The following SPOCK3 variants were observed in gnomAD, a reference collection of about 807,000 sequenced individuals.
SPOCK3 encodes SPARC (osteonectin), cwcv and kazal like domains proteoglycan 3, also known as testican-3.
SPOCK3 carries 30 observed loss-of-function variants against 56.6 expected under a neutral mutation model. That is an observed-to-expected ratio of 0.53 (90% CI 0.40 to 0.72). The LOEUF (loss-of-function observed/expected upper bound fraction) is 0.72, where lower values mean the gene tolerates loss of function less well. Among genes scored for constraint, SPOCK3 ranks in the 30% least tolerant of loss-of-function variants. The probability of loss-of-function intolerance (pLI) is 0.00; values close to 1 mark genes in which losing one functional copy is unlikely to be tolerated. For synonymous variants in SPOCK3, 196 were observed against 183.3 expected, an observed-to-expected ratio of 1.07 and a Z score of -0.56; for missense variants, 527 against 530.0, an observed-to-expected ratio of 0.99 and a Z score of 0.06.
At chr4:166,736,383 T>G (rs1233266986) in intron 10 of SPOCK3, among the ~76,000 whole-genome samples, 1 of 152,140 alleles carries the variant, frequency 6.6e-6, no homozygotes, top group Non-Finnish European at 1.5e-5. Context: ...ATTACAAAGA[T>G]GTGTTCCCTA....
In SPOCK3 at chr4:167,060,027, G is replaced by C. The variant is rs539483577; in HGVS notation, c.235+2465C>G. On this transcript the variant is annotated intron_variant, in intron 3 of 10. Coordinates refer to ENST00000357545, the MANE Select transcript of SPOCK3 (RefSeq NM_001040159.2). ...GGGGTGGGGGGAGTGGGGAGGGATA[G>C]CTTTAGGAGATATACCTAATGCTAA... 1.5e-4 allele frequency among the ~76,000 whole-genome samples: 22 copies of C among 151,446 alleles called. No individual in the cohort carries two copies. In the South Asian group the frequency reaches 4.2e-3, roughly 29 times the overall value.
chr4:166,940,111 G>A (rs1411761478), intron 4 of SPOCK3, among the ~76,000 whole-genome samples: 1 of 152,200 alleles, frequency 6.6e-6, no homozygotes, highest in Admixed American at 6.5e-5. Flanking sequence ...GTCACGCATG[G>A]TGAGCAGTCA....
At chr4:167,105,180 A>T (rs1046787240) in intron 2 of SPOCK3, among the ~76,000 whole-genome samples, 1 of 151,960 alleles carries the variant, frequency 6.6e-6, no homozygotes, top group African/African-American at 2.4e-5. Context: ...GTAAACTAAT[A>T]TTATCTTAAG....
At chr4:166,826,499 G>C (rs565017722) in intron 6 of SPOCK3, among the ~76,000 whole-genome samples, 1 of 152,146 alleles carries the variant, frequency 6.6e-6, no homozygotes, top group African/African-American at 2.4e-5. Context: ...ATTTCAAAAA[G>C]AGAATGGCCA....
intron 2 of SPOCK3, among the ~76,000 whole-genome samples, chr4:167,096,799 T>C (rs1759198647): frequency 6.6e-6 from 1 of 151,818 alleles, no homozygotes; most frequent in Non-Finnish European, 1.5e-5. Context: ...TGTACATTCA[T>C]TTGTATTTTC....
intron 2 of SPOCK3, among the ~76,000 whole-genome samples, chr4:167,206,402 CAT>C (rs1561323861): frequency 1.4e-5 from 2 of 146,790 alleles, no homozygotes. Context: ...GAGAAAATAA[CAT>C]ATATGTGTAT....
At chr4:166,995,243 GTA>G (rs1366682075) in intron 4 of SPOCK3, among the ~76,000 whole-genome samples, 15 of 78,392 alleles carry the variant, frequency 1.9e-4, no homozygotes, top group South Asian at 4.8e-4. Flanking sequence ...ATGCATGTAT[GTA>G]TGTATGTGTG....
chr4:166,782,352 C>A (rs1740274059), intron 7 of SPOCK3, among the ~76,000 whole-genome samples: 1 of 152,104 alleles, frequency 6.6e-6, no homozygotes. Flanking sequence ...TAGAACTGAA[C>A]AGAGAAATAG....
chr4:166,809,377 A>G (rs767347622), intron 6 of SPOCK3, among the ~76,000 whole-genome samples: 41 of 151,996 alleles, frequency 2.7e-4, no homozygotes, highest in Non-Finnish European at 5.1e-4. Context: ...TACTATTCCA[A>G]TGAATATTCC....
intron 8 of SPOCK3, chr4:166,754,252 C>T (rs1736776282): frequency 7.0e-6 from 8 of 1,151,018 alleles, no homozygotes; most frequent in Non-Finnish European, 8.5e-6. Context: ...TTCTTGGTGG[C>T]TCATAATGGA....
At chr4:166,791,421 G>A (rs896878869) in intron 7 of SPOCK3, among the ~76,000 whole-genome samples, 2 of 152,132 alleles carry the variant, frequency 1.3e-5, no homozygotes, top group African/African-American at 4.8e-5. Context: ...GATGTGGCTT[G>A]TAATTGCTAC....
chr4:166,960,334 G>C (rs1744007292), intron 4 of SPOCK3, among the ~76,000 whole-genome samples: 1 of 152,096 alleles, frequency 6.6e-6, no homozygotes, highest in South Asian at 2.1e-4. Flanking sequence ...GCCACAATGA[G>C]GGATATAAAT....
intron 2 of SPOCK3, among the ~76,000 whole-genome samples, chr4:167,070,219 A>T (rs1358381495): frequency 6.6e-6 from 1 of 151,944 alleles, no homozygotes; most frequent in Non-Finnish European, 1.5e-5. Context: ...GAAGTCCCAC[A>T]CTGAAAGATC....
chr4:166,928,564 C>A (rs1210752366), intron 4 of SPOCK3, among the ~76,000 whole-genome samples: 2 of 152,248 alleles, frequency 1.3e-5, no homozygotes, highest in African/African-American at 2.4e-5. Flanking sequence ...TCACAGAAGA[C>A]TTTTAGTGGA....
chr4:166,923,761 C>A (rs967226093), intron 4 of SPOCK3, among the ~76,000 whole-genome samples: 1 of 152,150 alleles, frequency 6.6e-6, no homozygotes, highest in African/African-American at 2.4e-5. Context: ...TATTTAAATT[C>A]ATCTAATTTC....
intron 3 of SPOCK3, among the ~76,000 whole-genome samples, chr4:167,039,790 C>A (rs532980173): frequency 3.3e-5 from 5 of 151,884 alleles, no homozygotes. Context: ...AAATGTATAG[C>A]GAAAACATTT....
At chr4:166,982,635 T>G (rs1046657978) in intron 4 of SPOCK3, among the ~76,000 whole-genome samples, 2 of 152,170 alleles carry the variant, frequency 1.3e-5, no homozygotes, top group African/African-American at 4.8e-5. Context: ...ATAAATAAAA[T>G]CAAATAAATT....
intron 6 of SPOCK3, among the ~76,000 whole-genome samples, chr4:166,798,550 G>C (rs1001908316): frequency 2.0e-5 from 3 of 152,178 alleles, no homozygotes; most frequent in African/African-American, 7.2e-5. Flanking sequence ...TAGAGAATCT[G>C]CTTCTTGGAG....
At chr4:167,197,205 T>A (rs1435796037) in intron 2 of SPOCK3, among the ~76,000 whole-genome samples, 1 of 152,128 alleles carries the variant, frequency 6.6e-6, no homozygotes, top group Non-Finnish European at 1.5e-5. Flanking sequence ...GTTAAAGCTT[T>A]CATGGGTGCT....
Sources: gnomAD v4.1 joint callset for allele counts (sites outside exome capture counted in the v4.1 genomes callset) on GRCh38, gnomAD v4.1.1 for gene constraint, MANE v1.5 for transcripts, NCBI Gene and HGNC (gene_info 2026-07-23, HGNC 2026-07-21) for gene names.